NPAS3: variants seen among roughly 807,000 people sequenced by gnomAD.
The protein encoded by NPAS3 is neuronal PAS domain-containing protein 3.
In NPAS3, 14 loss-of-function variants were observed where a neutral mutation model predicts 73.1. The observed-to-expected ratio is 0.19, with a 90% CI of 0.13 to 0.30. NPAS3 has a LOEUF of 0.30. Among genes scored for constraint, NPAS3 ranks in the 10% least tolerant of loss-of-function variants. The pLI, the probability that NPAS3 is intolerant of heterozygous loss-of-function variation, is 1.00. For missense variants in NPAS3, 1,096 were observed against 1,250.0 expected (o/e 0.88, Z 1.86); for synonymous variants, 620 against 541.5 (o/e 1.14, Z -2.01).
At chr14:33,098,401 T>C (rs2042485216) in intron 2 of NPAS3, among the ~76,000 whole-genome samples, 1 of 152,190 alleles carries the variant, frequency 6.6e-6, no homozygotes, top group African/African-American at 2.4e-5. Flanking sequence ...ATGACAACAA[T>C]GATGATGACA....
intron 2 of NPAS3, among the ~76,000 whole-genome samples, chr14:33,117,365 T>TA (rs2043102859): frequency 6.6e-6 from 1 of 152,126 alleles, no homozygotes; most frequent in Non-Finnish European, 1.5e-5. Context: ...CTGGGAAGCA[T>TA]ACCTGAGGAC....
At chr14:33,136,023 G>T (rs948596850) in intron 2 of NPAS3, among the ~76,000 whole-genome samples, 4 of 151,524 alleles carry the variant, frequency 2.6e-5, no homozygotes, top group Admixed American at 1.3e-4. Context: ...AAAGCTCTGA[G>T]CTGTGGCCAT....
intron 5 of NPAS3, among the ~76,000 whole-genome samples, chr14:33,570,840 T>C (rs2056178912): frequency 6.6e-6 from 1 of 152,190 alleles, no homozygotes; most frequent in Non-Finnish European, 1.5e-5. Context: ...TAGTGCCTTT[T>C]AAAATAATTA....
In NPAS3 at chr14:33,040,452, T is replaced by C. The variant is rs552027852; in HGVS notation, c.51-15453T>C. Among the ~76,000 whole-genome samples, 88 of 152,290 alleles carry C rather than the reference T, an allele frequency of 5.8e-4. 1 individual carries two copies. Among genetic ancestry groups the C allele is most frequent in the Non-Finnish European group, 5.9e-4 (40 of 68,022 alleles). ...ATATTGGGGTACTTTATATAATAAT[T>C]GTGTATAAAATGAGTCATTCTTACA... is the stretch of plus-strand genomic sequence containing the variant. On this transcript the variant is annotated intron_variant, in intron 1 of 11. Transcript: ENST00000356141.
At chr14:33,654,590 T>C (rs532816522) in intron 5 of NPAS3, among the ~76,000 whole-genome samples, 1 of 152,332 alleles carries the variant, frequency 6.6e-6, no homozygotes, top group Admixed American at 6.5e-5. Context: ...AAAGGGCATT[T>C]AACCTCTTTA....
intron 4 of NPAS3, among the ~76,000 whole-genome samples, chr14:33,379,896 TATA>T (rs2046465294): frequency 6.6e-6 from 1 of 152,034 alleles, no homozygotes; most frequent in South Asian, 2.1e-4. Flanking sequence ...ACAATTATAT[TATA>T]ATGTCACATC....
At chr14:33,602,569 A>T (rs1374375823) in intron 5 of NPAS3, among the ~76,000 whole-genome samples, 1 of 152,176 alleles carries the variant, frequency 6.6e-6, no homozygotes, top group Non-Finnish European at 1.5e-5. Flanking sequence ...CTGCAGCAGA[A>T]GGGCCCACAC....
intron 3 of NPAS3, among the ~76,000 whole-genome samples, chr14:33,332,346 T>C (rs1034202959): frequency 4.6e-5 from 7 of 152,208 alleles, no homozygotes; most frequent in African/African-American, 1.7e-4. Context: ...AGATTAAGGA[T>C]GTAGGCTACC....
intron 2 of NPAS3, among the ~76,000 whole-genome samples, chr14:33,134,222 T>C (rs2043748659): frequency 1.3e-5 from 2 of 152,002 alleles, no homozygotes; most frequent in Admixed American, 1.3e-4. Flanking sequence ...TTTTTTTTTT[T>C]CCTTTTTCTT....
chr14:33,608,777 C>G (rs1212742975), intron 5 of NPAS3: 2 of 152,116 alleles, frequency 1.3e-5, no homozygotes, highest in Non-Finnish European at 2.9e-5. Context: ...TTTAGTGAGA[C>G]CAGTCATTGA....
chr14:33,046,112 G>C (rs189230702), intron 1 of NPAS3, among the ~76,000 whole-genome samples: 6 of 152,324 alleles, frequency 3.9e-5, no homozygotes, highest in African/African-American at 1.2e-4. Context: ...TGCAGGTCAA[G>C]TAAAAGTCAC....
chr14:33,077,532 G>A (rs1317630089), intron 2 of NPAS3, among the ~76,000 whole-genome samples: 1 of 147,970 alleles, frequency 6.8e-6, no homozygotes, highest in Non-Finnish European at 1.5e-5. Flanking sequence ...TTTTAACAAA[G>A]CATAAAATCA....
chr14:33,703,138 G>A (rs2060566904), intron 6 of NPAS3, among the ~76,000 whole-genome samples: 1 of 152,040 alleles, frequency 6.6e-6, no homozygotes, highest in African/African-American at 2.4e-5. Context: ...GTTTAATGTA[G>A]AACTTGCAAA....
chr14:32,941,818 T>A (rs1232332727), intron 1 of NPAS3, among the ~76,000 whole-genome samples: 1 of 152,174 alleles, frequency 6.6e-6, no homozygotes, highest in Admixed American at 6.5e-5. Flanking sequence ...AAACTAAACC[T>A]TTCAAAAGGC....
intron 2 of NPAS3, among the ~76,000 whole-genome samples, chr14:33,165,281 G>A (rs2045084706): frequency 6.6e-6 from 1 of 151,622 alleles, no homozygotes; most frequent in South Asian, 2.1e-4. Flanking sequence ...AAGGGTTAAA[G>A]TCTCTCTGGT....
At chr14:32,956,534 A>G (rs575738211) in intron 1 of NPAS3, among the ~76,000 whole-genome samples, 14 of 152,356 alleles carry the variant, frequency 9.2e-5, no homozygotes, top group African/African-American at 2.9e-4. Context: ...ACACATTAAA[A>G]GAAATGAAAT....
At chr14:33,176,117 C>G (rs2045580804) in intron 2 of NPAS3, among the ~76,000 whole-genome samples, 1 of 152,126 alleles carries the variant, frequency 6.6e-6, no homozygotes, top group African/African-American at 2.4e-5. Flanking sequence ...GTGATTTATA[C>G]ACTATTAGTG....
At chr14:33,608,039 G>A (rs778371240) in intron 5 of NPAS3, among the ~76,000 whole-genome samples, 7 of 152,168 alleles carry the variant, frequency 4.6e-5, no homozygotes, top group Non-Finnish European at 8.8e-5. Flanking sequence ...TTCAAGATGA[G>A]ATTTGGGTGG....
chr14:33,460,098 G>A (rs189413511), intron 4 of NPAS3, among the ~76,000 whole-genome samples: 3 of 152,152 alleles, frequency 2.0e-5, no homozygotes, highest in Non-Finnish European at 2.9e-5. Flanking sequence ...GGACTACAAG[G>A]ACTATTACAA....
Sources: allele counts gnomAD v4.1 joint callset (sites outside exome capture counted in the v4.1 genomes callset), GRCh38; gene constraint gnomAD v4.1.1; transcripts MANE v1.5; gene names NCBI Gene and HGNC (gene_info 2026-07-23, HGNC 2026-07-21).